Variants in GRIP1 observed in about 807,000 individuals in gnomAD.
GRIP1 encodes glutamate receptor-interacting protein 1.
GRIP1 carries 45 observed loss-of-function variants against 129.9 expected under a neutral mutation model. The ratio of observed to expected loss-of-function variants is 0.35; its 90% confidence interval spans 0.27 to 0.44. The LOEUF (loss-of-function observed/expected upper bound fraction) is 0.44. GRIP1 is among the 20% of genes least tolerant of loss of function. The pLI, the probability that GRIP1 is intolerant of heterozygous loss-of-function variation, is 1.00. For missense variants in GRIP1, 1,196 were observed against 1,396.8 expected (o/e 0.86, Z 2.29); for synonymous variants, 530 against 520.8 (o/e 1.02, Z -0.24).
intron 1 of GRIP1, among the ~76,000 whole-genome samples, chr12:67,001,595 T>C (rs1457262483): frequency 6.6e-6 from 1 of 152,202 alleles, no homozygotes; most frequent in Non-Finnish European, 1.5e-5. Flanking sequence ...AGGCTCCCTC[T>C]GTGTTTTCTC....
chr12:66,434,219 G>A (rs570631016), intron 13 of GRIP1, among the ~76,000 whole-genome samples: 2 of 152,244 alleles, frequency 1.3e-5, no homozygotes, highest in Admixed American at 6.5e-5. Flanking sequence ...TATAAAAAAG[G>A]ATCCCCAGAC....
At chr12:66,847,991 C>A (rs897244576) in intron 1 of GRIP1, among the ~76,000 whole-genome samples, 1 of 152,180 alleles carries the variant, frequency 6.6e-6, no homozygotes, top group African/African-American at 2.4e-5. Context: ...TAATTTCTCT[C>A]ATTAACTTGA....
At chr12:66,350,481 CAA>C (rs1206266381) in intron 24 of GRIP1, among the ~76,000 whole-genome samples, 2 of 152,154 alleles carry the variant, frequency 1.3e-5, no homozygotes, top group Non-Finnish European at 2.9e-5. Context: ...GCCTGGATGA[CAA>C]GAGAGAAACT....
At chr12:66,583,208 A>T (rs1424672456) in intron 2 of GRIP1, among the ~76,000 whole-genome samples, 1 of 150,962 alleles carries the variant, frequency 6.6e-6, no homozygotes, top group African/African-American at 2.4e-5. Context: ...AGCCATATGT[A>T]GAAAGCTGAA....
At chr12:66,965,919 G>A (rs1048936035) in intron 1 of GRIP1, among the ~76,000 whole-genome samples, 5 of 152,150 alleles carry the variant, frequency 3.3e-5, no homozygotes, top group Admixed American at 2.0e-4. Flanking sequence ...TGCTTTCAAA[G>A]TAATGCCTTC....
intron 16 of GRIP1, among the ~76,000 whole-genome samples, chr12:66,403,628 C>T (rs1369237496): frequency 2.0e-5 from 3 of 152,026 alleles, no homozygotes; most frequent in African/African-American, 7.3e-5. Context: ...ATCTCTCATG[C>T]CAATATTTAT....
intron 1 of GRIP1, among the ~76,000 whole-genome samples, chr12:66,600,913 C>T (rs1004152156): frequency 6.6e-6 from 1 of 152,216 alleles, no homozygotes; most frequent in Admixed American, 6.5e-5. Flanking sequence ...ATCAGCACTG[C>T]CAGCCTTTTC....
chr12:66,570,762 A>AT lies in GRIP1; in HGVS notation c.136+26084dup, dbSNP rs536979690. On this transcript the variant is annotated intron_variant, in intron 2 of 24. Coordinates refer to ENST00000359742, the MANE Select transcript of GRIP1 (RefSeq NM_001366722.1). ...CAAATTCGAAAAATGATATTTTTGT[A>AT]TTTTTTTTCTTAAAGAACTCCCTCC... Among the ~76,000 whole-genome samples, 6 of 152,032 alleles carry AT rather than the reference A, an allele frequency of 3.9e-5. No homozygotes were observed. The South Asian group carries it at 1.0e-3, about 26-fold the overall frequency.
At chr12:67,047,341 G>GT (rs1021431870) in intron 1 of GRIP1, among the ~76,000 whole-genome samples, 7 of 152,024 alleles carry the variant, frequency 4.6e-5, no homozygotes, top group South Asian at 2.1e-4. Context: ...AAAAAATAAT[G>GT]TTTTTTTAAA....
Position 66,729,730 on chromosome 12 carries a change from C to T in GRIP1, c.-420+74323G>A, listed in dbSNP as rs543213801. ...CTGGGACCTCAGGTGCCCGCCACCA[C>T]GCCCAGCTAATTTTTTGTATTTTTT... is the stretch of plus-strand genomic sequence containing the variant. On this transcript the variant is annotated intron_variant, in intron 1 of 4. Coordinates refer to the GRIP1 transcript ENST00000538373. 4.6e-5 allele frequency among the ~76,000 whole-genome samples: 7 copies of T among 152,210 alleles called. No homozygotes were observed. The South Asian group carries it at 6.2e-4, about 14-fold the overall frequency.
Position 66,785,351 on chromosome 12 carries a change from T to C in GRIP1, c.-420+18702A>G, listed in dbSNP as rs552047025. Among the ~76,000 whole-genome samples the C allele has an allele frequency of 4.3e-4, 53 of 124,298 alleles. 1 individual carries two copies. The highest frequency in any genetic ancestry group is 7.9e-4 in the Admixed American group (10 of 12,616). The allele number at this position is 124,298 out of a possible 152,430, so 81.5% of individuals were successfully genotyped here. A position where few individuals can be genotyped will look rare whatever the true frequency, so the allele number is the denominator to read the frequency against. On this transcript the variant is annotated intron_variant, in intron 1 of 4. Coordinates refer to the GRIP1 transcript ENST00000538373. ...ACATACATACATACATACATATATATATATATATATATTAGTTGGGCATGG... is the reference window on the plus strand; with the variant it reads ...ACATACATACATACATACATATATACATATATATATATTAGTTGGGCATGG...
At chr12:66,572,755 T>G (rs959036483) in intron 2 of GRIP1, among the ~76,000 whole-genome samples, 23 of 152,154 alleles carry the variant, frequency 1.5e-4, no homozygotes, top group African/African-American at 5.6e-4. Context: ...TGTGAGAAAC[T>G]AATCCTCCCA....
At chr12:66,580,232 T>A (rs1399967804) in intron 2 of GRIP1, among the ~76,000 whole-genome samples, 1 of 149,808 alleles carries the variant, frequency 6.7e-6, no homozygotes, top group African/African-American at 2.5e-5. Context: ...CCACCAGGCC[T>A]GCCCTAAAAG....
chr12:66,586,239 C>G (rs1367037861), intron 2 of GRIP1, among the ~76,000 whole-genome samples: 2 of 152,196 alleles, frequency 1.3e-5, no homozygotes, highest in African/African-American at 4.8e-5. Flanking sequence ...CACCAAACCT[C>G]TCTTCTTATA....
chr12:66,633,217 A>G (rs956358309), intron 1 of GRIP1, among the ~76,000 whole-genome samples: 23 of 146,510 alleles, frequency 1.6e-4, no homozygotes, highest in East Asian at 3.9e-4. Flanking sequence ...ATGTGTGTGT[A>G]TATATATATA....
chr12:66,353,691 C>T, intron 23 of GRIP1, 128 bp from the exon 24 acceptor site: 1 of 825,020 alleles, frequency 1.2e-6, no homozygotes, highest in South Asian at 1.4e-5. Flanking sequence ...CATCAGTCAG[C>T]TCCCTGCACC....
chr12:66,389,220 G>C (rs2056481434), intron 19 of GRIP1, among the ~76,000 whole-genome samples: 2 of 152,066 alleles, frequency 1.3e-5, no homozygotes, highest in Non-Finnish European at 2.9e-5. Context: ...TCTATGCCTT[G>C]CTTTTATTTT....
At chr12:67,020,765 ATAAAG>A (rs2042854467) in intron 1 of GRIP1, among the ~76,000 whole-genome samples, 1 of 152,190 alleles carries the variant, frequency 6.6e-6, no homozygotes, top group African/African-American at 2.4e-5. Context: ...TTTCAACTAT[ATAAAG>A]TATTGTTGAC....
chr12:66,417,886 C>T (rs964254883), intron 15 of GRIP1, among the ~76,000 whole-genome samples: 1 of 152,094 alleles, frequency 6.6e-6, no homozygotes, highest in Admixed American at 6.6e-5. Context: ...ATATTCAATG[C>T]TATCTGTATC....
Sources: allele counts gnomAD v4.1 joint callset (sites outside exome capture counted in the v4.1 genomes callset), GRCh38; gene constraint gnomAD v4.1.1; transcripts MANE v1.5; gene names NCBI Gene and HGNC (gene_info 2026-07-23, HGNC 2026-07-21).